The following PTPRN2 variants were observed in gnomAD, a reference collection of about 807,000 sequenced individuals.
The protein encoded by PTPRN2 is protein tyrosine phosphatase receptor type N2.
PTPRN2 carries 74 observed loss-of-function variants against 118.8 expected under a neutral mutation model. The ratio of observed to expected loss-of-function variants is 0.62; its 90% CI spans 0.52 to 0.76. The LOEUF (loss-of-function observed/expected upper bound fraction) is 0.76, where lower values mean the gene tolerates loss of function less well. PTPRN2 is among the 30% of genes least tolerant of loss of function. PTPRN2 has a pLI of 0.00. For synonymous variants in PTPRN2, 641 were observed against 608.0 expected (o/e 1.05, Z -0.80); for missense variants, 1,481 against 1,394.4 (o/e 1.06, Z -0.99).
At chr7:158,443,885 C>G (rs928565104) in intron 2 of PTPRN2, among the ~76,000 whole-genome samples, 2 of 152,198 alleles carry the variant, frequency 1.3e-5, no homozygotes, top group African/African-American at 4.8e-5. Flanking sequence ...CGGCCAGGGG[C>G]AGAGCTGCTC....
intron 3 of PTPRN2, among the ~76,000 whole-genome samples, chr7:158,254,961 G>C (rs1228927089): frequency 6.6e-6 from 1 of 152,254 alleles, no homozygotes; most frequent in African/African-American, 2.4e-5. Context: ...CATGGCCCAG[G>C]CCCAGGAAGA....
intron 4 of PTPRN2, among the ~76,000 whole-genome samples, chr7:158,204,408 A>C (rs963830996): frequency 6.6e-6 from 1 of 152,244 alleles, no homozygotes; most frequent in Non-Finnish European, 1.5e-5. Flanking sequence ...TCAGATGGCC[A>C]TGAGCATGAA....
intron 12 of PTPRN2, chr7:157,739,458 GGGGAGGAAAAGAT>G (rs1259911969): frequency 6.6e-6 from 1 of 152,252 alleles, no homozygotes; most frequent in African/African-American, 2.4e-5. Context: ...TCGTCTATGA[GGGGAGGAAAAGAT>G]GGTCTCCTGT....
At chr7:158,341,344 C>T in intron 2 of PTPRN2, among the ~76,000 whole-genome samples, 1 of 151,470 alleles carries the variant, frequency 6.6e-6, no homozygotes, top group South Asian at 2.1e-4. Context: ...CCCACACTCT[C>T]ACCATAAGAG....
rs1420998143 is a variant in PTPRN2, at chr7:158,551,861, G to A, written c.112+35697C>T. ...GCCCTGCCTCCTAACCCATTACATC[G>A]GGGGTAGAGCTCTAACACATGCATT... On this transcript the variant is annotated intron_variant, in intron 1 of 22. Coordinates refer to ENST00000389418, the MANE Select transcript of PTPRN2 (RefSeq NM_002847.5). Among the ~76,000 whole-genome samples, 25 of 24,850 alleles carry A rather than the reference G, an allele frequency of 1.0e-3. 1 individual carries two copies. The highest frequency in any genetic ancestry group is 4.0e-3 in the African/African-American group (20 of 4,972). 16.3% of individuals were successfully genotyped at this position (24,850 alleles called of 152,430 possible).
At chr7:158,108,241 T>C (rs1483776308) in intron 10 of PTPRN2, among the ~76,000 whole-genome samples, 2 of 149,990 alleles carry the variant, frequency 1.3e-5, no homozygotes, top group Non-Finnish European at 3.0e-5. Flanking sequence ...TCACCCACTA[T>C]AGCCCCACAA....
chr7:158,411,320 G>A (rs1489635284), intron 2 of PTPRN2, among the ~76,000 whole-genome samples: 1 of 152,172 alleles, frequency 6.6e-6, no homozygotes, highest in Non-Finnish European at 1.5e-5. Context: ...GAAATGAGGT[G>A]ACATCTCCAG....
rs185514695 is a variant in PTPRN2, at chr7:157,610,771, C to T, written c.2345-6696G>A. 3.3e-4 allele frequency among the ~76,000 whole-genome samples: 51 copies of T among 152,344 alleles called. No homozygotes were observed. Among genetic ancestry groups the T allele is most frequent in the African/African-American group, 1.2e-3 (50 of 41,568 alleles). ...CCAGCAACAGCGTGATGACAGAACGCATTCTGAAGGGGCAGGTCCTCTTCC... is the reference window on the plus strand; with the variant it reads ...CCAGCAACAGCGTGATGACAGAACGTATTCTGAAGGGGCAGGTCCTCTTCC... On this transcript the variant is annotated intron_variant, in intron 15 of 22. Coordinates refer to ENST00000389418, the MANE Select transcript of PTPRN2 (RefSeq NM_002847.5). This position sits in a 1 kb window ranked among gnomAD's most constrained non-coding sequence, Gnocchi z 5.1.
At chr7:157,707,295 TACAC>T (rs939042268) in intron 12 of PTPRN2, among the ~76,000 whole-genome samples, 4 of 151,374 alleles carry the variant, frequency 2.6e-5, no homozygotes, top group African/African-American at 9.7e-5. Context: ...CCAGCATACT[TACAC>T]ACACAGCACA....
chr7:158,262,722 GCACA>G (rs1207873180), intron 3 of PTPRN2, among the ~76,000 whole-genome samples: 1 of 127,500 alleles, frequency 7.8e-6, no homozygotes, highest in African/African-American at 3.1e-5. Context: ...CACACATTGC[GCACA>G]CATACATTCA....
chr7:158,465,073 C>T (rs1819295566), intron 2 of PTPRN2, among the ~76,000 whole-genome samples: 1 of 152,224 alleles, frequency 6.6e-6, no homozygotes, highest in Non-Finnish European at 1.5e-5. Flanking sequence ...TGCTGAGATA[C>T]AAGTCCAGAT....
At chr7:158,303,168 CAAAAA>C (rs542953447) in intron 3 of PTPRN2, among the ~76,000 whole-genome samples, 36 of 119,854 alleles carry the variant, frequency 3.0e-4, no homozygotes, top group African/African-American at 1.1e-3. Flanking sequence ...ACTAACCCAC[CAAAAA>C]AAAAAAAAAA....
chr7:158,189,973 G>A (rs1396772970), intron 5 of PTPRN2, among the ~76,000 whole-genome samples: 2 of 152,250 alleles, frequency 1.3e-5, no homozygotes, highest in Non-Finnish European at 2.9e-5. Context: ...AGGCACAGGT[G>A]TGCGGAGGGA....
At chr7:158,019,082 A>T (rs1053830477) in intron 11 of PTPRN2, among the ~76,000 whole-genome samples, 2 of 152,050 alleles carry the variant, frequency 1.3e-5, no homozygotes, top group African/African-American at 4.8e-5. Flanking sequence ...CTAGCATGAG[A>T]TACCGTGTAA....
At chr7:158,065,009 G>A (rs555154901) in intron 11 of PTPRN2, among the ~76,000 whole-genome samples, 1 of 152,346 alleles carries the variant, frequency 6.6e-6, no homozygotes, top group African/African-American at 2.4e-5. Flanking sequence ...GTAATCCAGG[G>A]GAAGAAAGGC....
chr7:158,249,074 A>G (rs1033291534), intron 3 of PTPRN2, among the ~76,000 whole-genome samples: 1 of 147,220 alleles, frequency 6.8e-6, no homozygotes, highest in African/African-American at 2.5e-5. Context: ...ACACACATAC[A>G]CCACACACAC....
chr7:158,157,037 C>G (rs1346126818), intron 6 of PTPRN2, among the ~76,000 whole-genome samples: 1 of 151,500 alleles, frequency 6.6e-6, no homozygotes, highest in Non-Finnish European at 1.5e-5. Flanking sequence ...AAGGCCTACC[C>G]ATTGTGCTTA....
intron 1 of PTPRN2, among the ~76,000 whole-genome samples, chr7:158,537,781 A>G (rs1403411408): frequency 6.6e-6 from 1 of 152,224 alleles, no homozygotes. Context: ...ATTAGGCTAA[A>G]TGACCCTTAC....
At chr7:158,112,064 C>T (rs1393665538) in intron 9 of PTPRN2, among the ~76,000 whole-genome samples, 1 of 151,912 alleles carries the variant, frequency 6.6e-6, no homozygotes, top group Non-Finnish European at 1.5e-5. Flanking sequence ...GGAGCAGACC[C>T]TCCTCAGCCT....
Sources: allele counts gnomAD v4.1 joint callset (sites outside exome capture counted in the v4.1 genomes callset), GRCh38; gene constraint gnomAD v4.1.1; non-coding constraint Gnocchi (gnomAD v3.1); transcripts MANE v1.5; gene names NCBI Gene and HGNC (gene_info 2026-07-23, HGNC 2026-07-21).